The following PRUNE2 variants were observed in gnomAD, a reference collection of about 807,000 sequenced individuals.
PRUNE2 encodes prune homolog 2 with BCH domain.
PRUNE2 carries 164 observed loss-of-function variants against 252.0 expected under a neutral mutation model. That is an observed-to-expected ratio of 0.65 (90% confidence interval 0.57 to 0.74). PRUNE2 has a LOEUF of 0.74. Among genes scored for constraint, PRUNE2 ranks in the 30% least tolerant of loss-of-function variants. The pLI is 0.00. For missense variants in PRUNE2, 3,495 were observed against 3,711.0 expected, an observed-to-expected ratio of 0.94 and a Z score of 1.51; for synonymous variants, 1,292 against 1,350.2, an observed-to-expected ratio of 0.96 and a Z score of 0.94.
intron 16 of PRUNE2, among the ~76,000 whole-genome samples, chr9:76,627,475 C>G (rs139596844): frequency 6.6e-6 from 1 of 152,142 alleles, no homozygotes; most frequent in East Asian, 1.9e-4. Flanking sequence ...CTTTTTGAGG[C>G]AGCAGCCCAG....
chr9:76,874,630 T>C lies in PRUNE2; in HGVS notation c.37-20422A>G, dbSNP rs528748721. Among the ~76,000 whole-genome samples the C allele has an allele frequency of 8.5e-5, 13 of 152,348 alleles. No homozygotes were observed. In the South Asian group the frequency reaches 2.5e-3, roughly 29 times the overall value. On this transcript the variant is annotated intron_variant, in intron 1 of 18. Coordinates refer to ENST00000376718, the MANE Select transcript of PRUNE2 (RefSeq NM_015225.3). ...CCCATCGCTCGAGCTTCATTTGGTA[T>C]TGCTGCTTAATTTAGAATTAACATT...
intron 11 of PRUNE2, among the ~76,000 whole-genome samples, chr9:76,649,302 T>A (rs1450885798): frequency 6.6e-6 from 1 of 152,180 alleles, no homozygotes; most frequent in Non-Finnish European, 1.5e-5. Context: ...TCAAAGAGTA[T>A]GATTATTCTA....
intron 6 of PRUNE2, among the ~76,000 whole-genome samples, chr9:76,724,936 T>G (rs2047981074): frequency 1.3e-5 from 2 of 152,148 alleles, no homozygotes; most frequent in African/African-American, 2.4e-5. Context: ...GAAACCCCGC[T>G]CATTAGCCAT....
intron 16 of PRUNE2, among the ~76,000 whole-genome samples, chr9:76,626,890 G>A (rs1411000389): frequency 6.6e-6 from 1 of 152,080 alleles, no homozygotes; most frequent in African/African-American, 2.4e-5. Context: ...TTTAATAGAT[G>A]ACTTGAAGTC....
intron 6 of PRUNE2, among the ~76,000 whole-genome samples, chr9:76,745,837 T>C (rs1175901242): frequency 6.6e-6 from 1 of 152,202 alleles, no homozygotes; most frequent in African/African-American, 2.4e-5. Flanking sequence ...CAGGACCTTT[T>C]CTCTTTTGTT....
intron 1 of PRUNE2, among the ~76,000 whole-genome samples, chr9:76,855,516 A>C (rs900387651): frequency 1.3e-5 from 2 of 152,182 alleles, no homozygotes; most frequent in Non-Finnish European, 2.9e-5. Flanking sequence ...TGAATCTAAA[A>C]ATTTGTCAGT....
At chr9:76,655,000 A>G (rs757293499) in intron 10 of PRUNE2, among the ~76,000 whole-genome samples, 3 of 152,146 alleles carry the variant, frequency 2.0e-5, no homozygotes, top group Non-Finnish European at 4.4e-5. Flanking sequence ...AATGTAGGGT[A>G]GTTGTTTTTT....
At position 76,612,276 on chromosome 9, in the gene PRUNE2, A is replaced by C. The variant is rs938060034; in HGVS notation, c.*2294T>G. Reference sequence around the variant, plus strand: ...CAGCATACCACCTGAGTAGTTTTCCATAGATGAGCTGGACAAGTTAAAAAT... The same window carrying C: ...CAGCATACCACCTGAGTAGTTTTCCCTAGATGAGCTGGACAAGTTAAAAAT... On this transcript the variant is annotated 3_prime_UTR_variant, in exon 19 of 19. Coordinates refer to ENST00000376718, the MANE Select transcript of PRUNE2 (RefSeq NM_015225.3). 6.6e-6 allele frequency: 1 copy of C among 152,326 alleles called. No individual in the cohort carries two copies. Among genetic ancestry groups the C allele is most frequent in the Admixed American group, 6.5e-5 (1 of 15,306 alleles). 9.4% of individuals were successfully genotyped at this position (152,326 alleles called of 1,614,324 possible). A position where few individuals can be genotyped will look rare whatever the true frequency, so the allele number is the denominator to read the frequency against.
At chr9:76,800,214 C>T (rs34868456) in intron 6 of PRUNE2, among the ~76,000 whole-genome samples, 4,660 of 151,992 alleles carry the variant, frequency 0.031, 122 homozygotes, top group Non-Finnish European at 0.049. Context: ...CCCCACCCCG[C>T]GACAGGCCCC....
In PRUNE2 at chr9:76,829,843, C is replaced by T. The variant is rs190830671; in HGVS notation, c.509-3111G>A. 7.0e-4 allele frequency among the ~76,000 whole-genome samples: 106 copies of T among 151,782 alleles called. 1 individual carries two copies. Among genetic ancestry groups the T allele is most frequent in the Admixed American group, 6.0e-3 (92 of 15,248 alleles). On this transcript the variant is annotated intron_variant, in intron 4 of 18. Transcript: ENST00000376718. ...GCAAAATAATTTTGTCATCTTTAGT[C>T]TCATCATCTCCACATTTTTCATATA...
At chr9:76,689,546 GGGTCTCTATAGAGACCAGCTCAGGCT>G (rs2134409390) in intron 9 of PRUNE2, among the ~76,000 whole-genome samples, 1 of 151,724 alleles carries the variant, frequency 6.6e-6, no homozygotes, top group African/African-American at 2.4e-5. Flanking sequence ...TATAGAGACA[GGGTCTCTATAGAGACCAGCTCAGGCT>G]GGTCTCAAAC....
At chr9:76,803,470 T>A (rs1189477714) in intron 6 of PRUNE2, among the ~76,000 whole-genome samples, 1 of 152,180 alleles carries the variant, frequency 6.6e-6, no homozygotes, top group South Asian at 2.1e-4. Context: ...AGGTAAAAAC[T>A]CAGCCAATCC....
intron 6 of PRUNE2, among the ~76,000 whole-genome samples, chr9:76,754,997 A>C (rs1299151147): frequency 6.6e-6 from 1 of 151,408 alleles, no homozygotes; most frequent in African/African-American, 2.4e-5. Flanking sequence ...AACCCAAAAA[A>C]ACAAAAGCAA....
rs770362542 is a variant in PRUNE2 at position 76,846,627 on chromosome 9, C to T, written c.396G>A (p.Glu132=). 7 of 1,614,070 alleles carry T rather than the reference C, an allele frequency of 4.3e-6. No individual in the cohort carries two copies. Among genetic ancestry groups the T allele is most frequent in the Middle Eastern group, 1.6e-4 (1 of 6,062 alleles). ...SAVVKVINPV[E]QSDANVEFRE... ...GGAACTCAACGTTGGCATCGCTCTG[C>T]TCAACCGGATTAATGACTTTGACAA... Residue 132 remains glutamate (E), a synonymous_variant, in exon 4 of 19, where the codon GAG becomes GAA. Coordinates refer to ENST00000376718, the MANE Select transcript of PRUNE2 (RefSeq NM_015225.3).
intron 9 of PRUNE2, among the ~76,000 whole-genome samples, chr9:76,689,905 A>G (rs1281801169): frequency 6.6e-6 from 1 of 152,244 alleles, no homozygotes; most frequent in African/African-American, 2.4e-5. Context: ...TCAAACAACT[A>G]TCAAAATAGC....
intron 15 of PRUNE2, among the ~76,000 whole-genome samples, chr9:76,632,533 C>T (rs980338371): frequency 5.9e-5 from 9 of 152,086 alleles, no homozygotes; most frequent in African/African-American, 1.4e-4. Context: ...AATGATAGCC[C>T]GTGGCTGAAG....
chr9:76,815,438 T>C (rs191118331), intron 6 of PRUNE2, among the ~76,000 whole-genome samples: 1 of 152,286 alleles, frequency 6.6e-6, no homozygotes, highest in East Asian at 1.9e-4. Flanking sequence ...CTGTTCCTCA[T>C]AAATGGCACC....
Position 76,708,114 on chromosome 9 carries a change from G to A in PRUNE2, c.4160C>T (p.Ala1387Val). 6.2e-7 allele frequency: 1 copy of A among 1,613,978 alleles called. No homozygotes were observed. The highest frequency in any genetic ancestry group is 8.5e-7 in the Non-Finnish European group (1 of 1,179,880). ...CTCGGTTTGAGGACTGAAAGTGACAGCAAGAGAGCTGATTTTGCCTGATTT... is the reference window on the plus strand; with the variant it reads ...CTCGGTTTGAGGACTGAAAGTGACAACAAGAGAGCTGATTTTGCCTGATTT... Reference protein sequence around the residue: ...CIKSGKISSLAVTFSPQTEEP... With the variant: ...CIKSGKISSLVVTFSPQTEEP... Residue 1387 changes from alanine (A) to valine (V), a missense_variant, in exon 8 of 19, where the codon GCT becomes GTT. Ala to Val is a moderately conservative substitution (Grantham distance 64). Coordinates refer to ENST00000376718, the MANE Select transcript of PRUNE2 (RefSeq NM_015225.3).
intron 9 of PRUNE2, among the ~76,000 whole-genome samples, chr9:76,690,642 GA>G (rs1242224806): frequency 7.9e-5 from 12 of 152,128 alleles, no homozygotes. Context: ...AACCATTGGG[GA>G]AAAAAAGTTA....
Sources: gnomAD v4.1 joint callset for allele counts (sites outside exome capture counted in the v4.1 genomes callset) on GRCh38, gnomAD v4.1.1 for gene constraint, MANE v1.5 for transcripts, NCBI Gene and HGNC (gene_info 2026-07-23, HGNC 2026-07-21) for gene names.